The following NSA2 variants were observed in gnomAD, a reference collection of about 807,000 sequenced individuals.
NSA2 encodes the protein ribosome biogenesis protein NSA2 homolog.
In NSA2, 18 loss-of-function variants were observed where a neutral mutation model predicts 34.8. The ratio of observed to expected loss-of-function variants is 0.52; its 90% CI spans 0.36 to 0.77. The LOEUF is 0.77. Among genes scored for constraint, NSA2 ranks in the 30% least tolerant of loss-of-function variants. NSA2 has a pLI of 0.00. For synonymous variants in NSA2, 79 were observed against 100.2 expected, an observed-to-expected ratio of 0.79 and a Z score of 1.26; for missense variants, 188 against 314.7, an observed-to-expected ratio of 0.60 and a Z score of 3.05.
chr5:74,779,947 C>G lies in NSA2; in HGVS notation c.*3276C>G, dbSNP rs948993884. The G allele has an allele frequency of 5.3e-5, 8 of 152,160 alleles. No individual in the cohort carries two copies. The highest frequency in any genetic ancestry group is 1.9e-4 in the African/African-American group (8 of 41,446). 9.4% of individuals were successfully genotyped at this position (152,160 alleles called of 1,614,324 possible). Reference sequence around the variant, plus strand: ...GTCTTAGTTTCTTTTGCATAAGGATCAAGATCAAGCTATTTTTAAAACAAT... The same window carrying G: ...GTCTTAGTTTCTTTTGCATAAGGATGAAGATCAAGCTATTTTTAAAACAAT... On this transcript the variant is annotated 3_prime_UTR_variant, in exon 6 of 6. Coordinates refer to ENST00000610426, the MANE Select transcript of NSA2 (RefSeq NM_014886.6).
Position 74,777,339 on chromosome 5 carries a change from C to T in NSA2, c.*668C>T, listed in dbSNP as rs1745169507. 1 of 151,964 alleles carries T rather than the reference C, an allele frequency of 6.6e-6. No individual in the cohort carries two copies. The highest frequency in any genetic ancestry group is 2.4e-5 in the African/African-American group (1 of 41,400). 9.4% of individuals were successfully genotyped at this position (151,964 alleles called of 1,614,324 possible). A position where few individuals can be genotyped will look rare whatever the true frequency, so the allele number is the denominator to read the frequency against. ...CTCTTAGCATTTTCTGTATTCTAAACAATATATTTATACTTTCAGAATAGT... is the reference window on the plus strand; with the variant it reads ...CTCTTAGCATTTTCTGTATTCTAAATAATATATTTATACTTTCAGAATAGT... On this transcript the variant is annotated 3_prime_UTR_variant, in exon 6 of 6. Transcript: ENST00000610426.
At chr5:74,772,276 T>C (rs952947230) in intron 4 of NSA2, among the ~76,000 whole-genome samples, 5 of 151,918 alleles carry the variant, frequency 3.3e-5, no homozygotes, top group South Asian at 2.1e-4. Context: ...AGGTGCCCGC[T>C]ACCACGCCCG....
chr5:74,774,233 T>C (rs1446220047), intron 5 of NSA2, among the ~76,000 whole-genome samples, 173 bp downstream of exon 5: 2 of 152,238 alleles, frequency 1.3e-5, no homozygotes, highest in African/African-American at 2.4e-5. Context: ...AAAGTTGTTA[T>C]AAATACAATT....
intron 3 of NSA2, 102 bp downstream of exon 3, chr5:74,769,466 C>T (rs1744848232): frequency 2.3e-6 from 2 of 881,522 alleles, no homozygotes; most frequent in African/African-American, 1.7e-5. Flanking sequence ...TGAAGTACAG[C>T]TATTATTCCC....
intron 4 of NSA2, 53 bp downstream of exon 4, chr5:74,770,863 C>A: frequency 4.8e-6 from 6 of 1,257,328 alleles, no homozygotes; most frequent in South Asian, 1.8e-5. Flanking sequence ...TTTATTAAAT[C>A]GGATAAAGAA....
chr5:74,773,797 G>A (rs757914645), intron 4 of NSA2, 71 bp from the exon 5 acceptor site: 147 of 1,228,156 alleles, frequency 1.2e-4, no homozygotes, highest in Non-Finnish European at 1.5e-4. Flanking sequence ...AAAGATAAGC[G>A]AAAACGACCA....
chr5:74,773,868 G>A lies in NSA2; in HGVS notation c.523G>A (p.Gly175Ser), dbSNP rs1381736671. ...PKYERFIRPMGLRFKKAHVTH... is the reference protein window; with the variant it reads ...PKYERFIRPMSLRFKKAHVTH... ...TCTTATGTTGTGTTTGACTTACTAGGGCTTGCGTTTCAAGAAAGCCCATGT... is the reference window on the plus strand; with the variant it reads ...TCTTATGTTGTGTTTGACTTACTAGAGCTTGCGTTTCAAGAAAGCCCATGT... The change falls in exon 5 of 6, where the codon GGC becomes AGC. Residue 175 changes from glycine to serine, a missense_variant and splice_region_variant. Gly to Ser is a moderately conservative substitution (Grantham distance 56). Transcript: ENST00000610426. 1.4e-5 allele frequency: 23 copies of A among 1,610,860 alleles called. No homozygotes were observed. Among genetic ancestry groups the A allele is most frequent in the Non-Finnish European group, 1.8e-5 (21 of 1,178,350 alleles).
chr5:74,770,871 G>A (rs1744899194), intron 4 of NSA2, 61 bp downstream of exon 4: 1 of 1,219,364 alleles, frequency 8.2e-7, no homozygotes, highest in African/African-American at 1.6e-5. Flanking sequence ...ATCGGATAAA[G>A]AACATTATCA....
At position 74,778,899 on chromosome 5, in the gene NSA2, A is replaced by C. The variant is rs925513436; in HGVS notation, c.*2228A>C. On this transcript the variant is annotated 3_prime_UTR_variant, in exon 6 of 6. Coordinates refer to ENST00000610426, the MANE Select transcript of NSA2 (RefSeq NM_014886.6). ...CCTCTGTAATTGTGAAATTTTTTCT[A>C]ATGCCTTGCAAAAACTACAGATAAC... 2 of 152,096 alleles carry C rather than the reference A, an allele frequency of 1.3e-5. No homozygotes were observed. Among genetic ancestry groups the C allele is most frequent in the African/African-American group, 4.8e-5 (2 of 41,458 alleles). The allele number at this position is 152,096 out of a possible 1,614,324, so 9.4% of individuals were successfully genotyped here.
At position 74,773,852 on chromosome 5, in the gene NSA2, G is replaced by T. The variant is rs1365937572; in HGVS notation, c.523-16G>T. 6.2e-7 allele frequency: 1 copy of T among 1,602,208 alleles called. No individual in the cohort carries two copies. Among genetic ancestry groups the T allele is most frequent in the Admixed American group, 1.7e-5 (1 of 58,388 alleles). On this transcript the variant is annotated splice_polypyrimidine_tract_variant and intron_variant, in intron 4 of 5. Coordinates refer to ENST00000610426, the MANE Select transcript of NSA2 (RefSeq NM_014886.6). ...TTTTGGACGTAAACATTCTTATGTT[G>T]TGTTTGACTTACTAGGGCTTGCGTT...
At chr5:74,768,411 T>C (rs112355347) in intron 1 of NSA2, among the ~76,000 whole-genome samples, 41 of 152,292 alleles carry the variant, frequency 2.7e-4, no homozygotes, top group African/African-American at 9.9e-4. Context: ...ACTGTAGGGA[T>C]AGGTATCAAA....
chr5:74,767,469 A>G lies in NSA2; in HGVS notation c.3+106A>G, dbSNP rs1208925138. The stretch of plus-strand genomic sequence containing the variant: ...GGGTGAGCGGTGGTAGGCGGAAATG[A>G]GAACTGCCAAGAGAAAAGGATGGTA... On this transcript the variant is annotated intron_variant, in intron 1 of 5. Coordinates refer to ENST00000610426, the MANE Select transcript of NSA2 (RefSeq NM_014886.6). The G allele has an allele frequency of 3.7e-6, 5 of 1,366,374 alleles. No homozygotes were observed. The African/African-American group carries it at 5.7e-5, about 16-fold the overall frequency. The allele number at this position is 1,366,374 out of a possible 1,614,324, so 84.6% of individuals were successfully genotyped here. A position where few individuals can be genotyped will look rare whatever the true frequency, so the allele number is the denominator to read the frequency against.
Position 74,767,432 on chromosome 5 carries a change from C to A in NSA2, c.3+69C>A, listed in dbSNP as rs1399584016. Reference sequence around the variant, plus strand: ...TTAGTGGGACCTGAGGACTCTGGGGCGCTGGGGTAGGGGGTGAGCGGTGGT... The same window carrying A: ...TTAGTGGGACCTGAGGACTCTGGGGAGCTGGGGTAGGGGGTGAGCGGTGGT... On this transcript the variant is annotated intron_variant, in intron 1 of 5. Transcript: ENST00000610426. The A allele has an allele frequency of 9.4e-6, 15 of 1,590,236 alleles. No homozygotes were observed. The Admixed American group carries it at 2.5e-4, about 27-fold the overall frequency.
chr5:74,776,244 A>C lies in NSA2; in HGVS notation c.716-360A>C, dbSNP rs1233396060. Among the ~76,000 whole-genome samples, 4 of 152,200 alleles carry C rather than the reference A, an allele frequency of 2.6e-5. No individual in the cohort carries two copies. In the East Asian group the frequency reaches 7.7e-4, roughly 29 times the overall value. On this transcript the variant is annotated intron_variant, in intron 5 of 5. Transcript: ENST00000610426. Reference sequence around the variant, plus strand: ...GCTGGGCGCAGTGGCTCACACCTATAATCACAGCACTTTGGGAGGCCAAGG... The same window carrying C: ...GCTGGGCGCAGTGGCTCACACCTATCATCACAGCACTTTGGGAGGCCAAGG...
In NSA2 at chr5:74,767,365, T is replaced by A; in HGVS notation, c.3+2T>A. 5 of 1,612,948 alleles carry A rather than the reference T, an allele frequency of 3.1e-6. No individual in the cohort carries two copies. The highest frequency in any genetic ancestry group is 4.2e-6 in the Non-Finnish European group (5 of 1,179,626). On this transcript the variant is annotated splice_donor_variant, in intron 1 of 5. Coordinates refer to ENST00000610426, the MANE Select transcript of NSA2 (RefSeq NM_014886.6). LOFTEE classifies it high-confidence loss of function. Reference sequence around the variant, plus strand: ...GGCGGCTCTGCGGCCGTCACCATGGTAAGGAGGATGCCTCGGACGCTCGCG... The same window carrying A: ...GGCGGCTCTGCGGCCGTCACCATGGAAAGGAGGATGCCTCGGACGCTCGCG...
At chr5:74,774,535 C>T (rs887720438) in intron 5 of NSA2, among the ~76,000 whole-genome samples, 2 of 151,890 alleles carry the variant, frequency 1.3e-5, no homozygotes, top group African/African-American at 4.8e-5. Flanking sequence ...ACTCAGGAGG[C>T]GGAGCTTGCA....
chr5:74,774,532 A>T (rs1397115592), intron 5 of NSA2, among the ~76,000 whole-genome samples: 2 of 152,158 alleles, frequency 1.3e-5, no homozygotes. Context: ...TGAACTCAGG[A>T]GGCGGAGCTT....
At position 74,778,873 on chromosome 5, in the gene NSA2, T is replaced by G. The variant is rs1745259845; in HGVS notation, c.*2202T>G. 6.6e-6 allele frequency: 1 copy of G among 152,086 alleles called. No homozygotes were observed. Among genetic ancestry groups the G allele is most frequent in the Non-Finnish European group, 1.5e-5 (1 of 67,914 alleles). 9.4% of individuals were successfully genotyped at this position (152,086 alleles called of 1,614,324 possible). On this transcript the variant is annotated 3_prime_UTR_variant, in exon 6 of 6. Transcript: ENST00000610426. Reference sequence around the variant, plus strand: ...TAGCCGGTTGAAATCACATTTTCAGTCCTCTGTAATTGTGAAATTTTTTCT... The same window carrying G: ...TAGCCGGTTGAAATCACATTTTCAGGCCTCTGTAATTGTGAAATTTTTTCT...
At chr5:74,768,531 A>G (rs1036365341) in intron 1 of NSA2, among the ~76,000 whole-genome samples, 1 of 152,210 alleles carries the variant, frequency 6.6e-6, no homozygotes, top group Non-Finnish European at 1.5e-5. Context: ...GTAGTTAGGA[A>G]AAACTTAGAA....
Sources: allele counts gnomAD v4.1 joint callset (sites outside exome capture counted in the v4.1 genomes callset), GRCh38; gene constraint gnomAD v4.1.1; transcripts MANE v1.5; gene names NCBI Gene and HGNC (gene_info 2026-07-23, HGNC 2026-07-21).